The following SEMA6D variants were observed in gnomAD, a reference collection of about 807,000 sequenced individuals.
SEMA6D encodes semaphorin-6D.
Under a neutral mutation model 106.6 loss-of-function variants are expected in SEMA6D, and 35 were observed. That is an observed-to-expected ratio of 0.33 (90% CI 0.25 to 0.44). SEMA6D has a LOEUF of 0.44. Among genes scored for constraint, SEMA6D ranks in the 20% least tolerant of loss-of-function variants. The pLI, the probability that SEMA6D is intolerant of heterozygous loss-of-function variation, is 1.00. For missense variants in SEMA6D, 1,185 were observed against 1,345.9 expected (o/e 0.88, Z 1.87); for synonymous variants, 499 against 487.7 (o/e 1.02, Z -0.31).
chr15:47,301,561 G>T (rs1043561402), intron 1 of SEMA6D, among the ~76,000 whole-genome samples: 2 of 152,236 alleles, frequency 1.3e-5, no homozygotes, highest in Non-Finnish European at 2.9e-5. Context: ...CAGCTGCCCT[G>T]GGGGAAGCCT....
At chr15:47,506,383 C>A (rs1596183839) in intron 3 of SEMA6D, among the ~76,000 whole-genome samples, 1 of 152,094 alleles carries the variant, frequency 6.6e-6, no homozygotes, top group East Asian at 1.9e-4. Context: ...ATCGGAGAAA[C>A]CTTTGCTAAA....
At chr15:47,593,939 C>T (rs1178778934) in intron 3 of SEMA6D, among the ~76,000 whole-genome samples, 1 of 152,186 alleles carries the variant, frequency 6.6e-6, no homozygotes, top group Non-Finnish European at 1.5e-5. Context: ...CCCTCATGAG[C>T]TAGTCAGCTC....
chr15:47,498,420 A>C (rs913491893), intron 3 of SEMA6D, among the ~76,000 whole-genome samples: 11 of 152,088 alleles, frequency 7.2e-5, no homozygotes, highest in African/African-American at 2.7e-4. Context: ...AAATACATCA[A>C]ATTATCAAAT....
chr15:47,376,092 T>C (rs2039438316), intron 1 of SEMA6D, among the ~76,000 whole-genome samples: 1 of 152,254 alleles, frequency 6.6e-6, no homozygotes, highest in Non-Finnish European at 1.5e-5. Flanking sequence ...AAATAAACTT[T>C]GAAGTCGTAT....
intron 1 of SEMA6D, among the ~76,000 whole-genome samples, chr15:47,750,889 G>A (rs1443750879): frequency 6.6e-6 from 1 of 152,108 alleles, no homozygotes; most frequent in Non-Finnish European, 1.5e-5. Flanking sequence ...TGGAGGGTGG[G>A]GTAGCAGTAC....
rs139596056 is a variant in SEMA6D, at chr15:47,524,524, T to A, written c.-87+53979T>A. Among the ~76,000 whole-genome samples the A allele has an allele frequency of 7.2e-5, 11 of 152,380 alleles. No homozygotes were observed. In the East Asian group the frequency reaches 1.9e-3, roughly 27 times the overall value. On this transcript the variant is annotated intron_variant, in intron 3 of 19. Coordinates refer to the SEMA6D transcript ENST00000558014. ...TATAAAGGGCTTACTTTCCTAAAGA[T>A]GCCTGATACCATGGATAAATCATAG...
At chr15:47,238,505 T>C (rs932631146) in intron 1 of SEMA6D, among the ~76,000 whole-genome samples, 1 of 152,132 alleles carries the variant, frequency 6.6e-6, no homozygotes, top group African/African-American at 2.4e-5. Context: ...ATAATACGAA[T>C]TATATTTAGC....
chr15:47,468,195 A>T (rs749190973), intron 2 of SEMA6D, among the ~76,000 whole-genome samples: 20 of 151,552 alleles, frequency 1.3e-4, no homozygotes, highest in African/African-American at 4.4e-4. Context: ...GTGTGTGTGT[A>T]TGTGTGTTCA....
chr15:47,262,640 C>G (rs1566959011), intron 1 of SEMA6D, among the ~76,000 whole-genome samples: 2 of 152,000 alleles, frequency 1.3e-5, no homozygotes, highest in Non-Finnish European at 2.9e-5. Context: ...TATGCAGACA[C>G]AGGGCCAAAC....
At chr15:47,431,162 A>G (rs1190568867) in intron 2 of SEMA6D, among the ~76,000 whole-genome samples, 1 of 152,164 alleles carries the variant, frequency 6.6e-6, no homozygotes, top group Non-Finnish European at 1.5e-5. Context: ...ATTTTTGAGG[A>G]TGGATGGCTA....
At chr15:47,682,321 C>G (rs1417858881) in intron 4 of SEMA6D, among the ~76,000 whole-genome samples, 3 of 152,122 alleles carry the variant, frequency 2.0e-5, no homozygotes, top group African/African-American at 7.2e-5. Context: ...GTGCCCGCCA[C>G]CGCGCCTGGC....
At chr15:47,571,856 CA>C (rs987248287) in intron 3 of SEMA6D, among the ~76,000 whole-genome samples, 15 of 152,202 alleles carry the variant, frequency 9.9e-5, no homozygotes, top group African/African-American at 3.4e-4. Context: ...TGTGTGTGTA[CA>C]TGTACATCCT....
At chr15:47,476,963 G>T (rs1213568415) in intron 3 of SEMA6D, among the ~76,000 whole-genome samples, 1 of 152,164 alleles carries the variant, frequency 6.6e-6, no homozygotes, top group East Asian at 1.9e-4. Context: ...GGATCATAGT[G>T]TATACTTATG....
rs36152501 is a variant in SEMA6D, at chr15:47,279,353, T to C, written c.-239+94935T>C. Among the ~76,000 whole-genome samples the C allele has an allele frequency of 5.3e-3, 695 of 130,872 alleles. 23 individuals are homozygous for C. Among genetic ancestry groups the C allele is most frequent in the Admixed American group, 0.05 (634 of 12,772 alleles). 85.9% of individuals were successfully genotyped at this position (130,872 alleles called of 152,430 possible). Reference sequence around the variant, plus strand: ...GTCTGTTATTGGTGTATGAGAATGCTTGTGATTTTTGTACATTGATTTTGT... The same window carrying C: ...GTCTGTTATTGGTGTATGAGAATGCCTGTGATTTTTGTACATTGATTTTGT... On this transcript the variant is annotated intron_variant, in intron 1 of 19. Transcript: ENST00000558014.
At chr15:47,388,821 T>G (rs1056722141) in intron 1 of SEMA6D, among the ~76,000 whole-genome samples, 2 of 152,116 alleles carry the variant, frequency 1.3e-5, no homozygotes, top group African/African-American at 2.4e-5. Context: ...GCATAAAGAT[T>G]TAGACACTTG....
intron 3 of SEMA6D, among the ~76,000 whole-genome samples, chr15:47,582,493 C>G (rs2076271525): frequency 6.6e-6 from 1 of 152,178 alleles, no homozygotes; most frequent in African/African-American, 2.4e-5. Context: ...GGGTTCTGCT[C>G]TACACTAAGC....
At chr15:47,382,458 G>T (rs542910249) in intron 1 of SEMA6D, among the ~76,000 whole-genome samples, 9 of 152,192 alleles carry the variant, frequency 5.9e-5, no homozygotes, top group African/African-American at 2.2e-4. Flanking sequence ...AGTGAGCTGA[G>T]ACTGCACCAC....
intron 3 of SEMA6D, among the ~76,000 whole-genome samples, chr15:47,551,365 T>G (rs2142400158): frequency 6.6e-6 from 1 of 152,254 alleles, no homozygotes; most frequent in African/African-American, 2.4e-5. Flanking sequence ...ATGGACTGAA[T>G]GTACACCTTT....
Position 47,621,423 on chromosome 15 carries a change from C to A in SEMA6D, c.-55+20527C>A, listed in dbSNP as rs568707660. 3.9e-5 allele frequency among the ~76,000 whole-genome samples: 6 copies of A among 152,094 alleles called. No homozygotes were observed. In the East Asian group the frequency reaches 1.2e-3, roughly 29 times the overall value. On this transcript the variant is annotated intron_variant, in intron 4 of 19. Transcript: ENST00000558014. Reference sequence around the variant, plus strand: ...TAGTTGAATTAGCTAAATACATAAGCCCGGTGAATCAACAGTGATGACTCA... The same window carrying A: ...TAGTTGAATTAGCTAAATACATAAGACCGGTGAATCAACAGTGATGACTCA...
Sources: gnomAD v4.1 joint callset for allele counts (sites outside exome capture counted in the v4.1 genomes callset) on GRCh38, gnomAD v4.1.1 for gene constraint, MANE v1.5 for transcripts, NCBI Gene and HGNC (gene_info 2026-07-23, HGNC 2026-07-21) for gene names.